Variants in CCRL2 observed in about 807,000 individuals in gnomAD.
CCRL2 encodes C-C chemokine receptor-like 2.
For missense variants in CCRL2, 451 were observed against 412.4 expected, an observed-to-expected ratio of 1.09 and a Z score of -0.81; for synonymous variants, 181 against 165.6, an observed-to-expected ratio of 1.09 and a Z score of -0.71.
chr3:46,408,970 T>C lies in CCRL2; in HGVS notation c.891T>C (p.Pro297=). ...CCACCACCCACTGCTGCATCAACCCTCTCCTGTATGCGTTTCTTGATGGGA... is the reference window on the plus strand; with the variant it reads ...CCACCACCCACTGCTGCATCAACCCCCTCCTGTATGCGTTTCTTGATGGGA... ...LIATTHCCIN[P]LLYAFLDGTF... The change falls in exon 2 of 2, where the codon CCT becomes CCC. Residue 297 remains proline (P), a synonymous_variant. Transcript: ENST00000399036. The C allele has an allele frequency of 6.2e-7, 1 of 1,614,078 alleles. No homozygotes were observed. The highest frequency in any genetic ancestry group is 2.2e-5 in the East Asian group (1 of 44,872).
In CCRL2 at chr3:46,407,851, A is replaced by T. The variant is rs1425187808; in HGVS notation, c.-12-217A>T. The T allele has an allele frequency of 5.8e-6, 4 of 690,294 alleles. No homozygotes were observed. In the East Asian group the frequency reaches 1.1e-4, roughly 19 times the overall value. The allele number at this position is 690,294 out of a possible 1,614,324, so 42.8% of individuals were successfully genotyped here. A position where few individuals can be genotyped will look rare whatever the true frequency, so the allele number is the denominator to read the frequency against. On this transcript the variant is annotated intron_variant, in intron 1 of 1. Coordinates refer to ENST00000399036, the MANE Select transcript of CCRL2 (RefSeq NM_003965.5). ...GCACCTGGCACACTGCTAAGCACTTACATGCTTAACAACTAGATTGGGAAT... is the reference window on the plus strand; with the variant it reads ...GCACCTGGCACACTGCTAAGCACTTTCATGCTTAACAACTAGATTGGGAAT...
At position 46,408,718 on chromosome 3, in the gene CCRL2, A is replaced by G. The variant is rs1252431141; in HGVS notation, c.639A>G (p.Leu213=). The G allele has an allele frequency of 6.2e-7, 1 of 1,614,080 alleles. No individual in the cohort carries two copies. Among genetic ancestry groups the G allele is most frequent in the Non-Finnish European group, 8.5e-7 (1 of 1,180,004 alleles). The part of the protein sequence containing the change: ...KMNISVLVLP[L]FIFTFLYVQM... ...ACATTTCGGTTCTTGTCCTCCCCCT[A>G]TTTATTTTTACATTTCTCTATGTGC... is the stretch of plus-strand genomic sequence containing the variant. Residue 213 remains leucine, a synonymous_variant, in exon 2 of 2, where the codon CTA becomes CTG. Transcript: ENST00000399036.
Position 46,409,276 on chromosome 3 carries a change from C to T in CCRL2, c.*162C>T. 1.4e-6 allele frequency: 1 copy of T among 696,648 alleles called. No homozygotes were observed. The highest frequency in any genetic ancestry group is 2.4e-6 in the Non-Finnish European group (1 of 409,898). The allele number at this position is 696,648 out of a possible 1,614,324, so 43.2% of individuals were successfully genotyped here. Reference sequence around the variant, plus strand: ...CACTGAATTTGTCTCAGGCACCGTGCAAGGCTCTTTACAAACGTGAGCTCC... The same window carrying T: ...CACTGAATTTGTCTCAGGCACCGTGTAAGGCTCTTTACAAACGTGAGCTCC... On this transcript the variant is annotated 3_prime_UTR_variant, in exon 2 of 2. Transcript: ENST00000399036.
chr3:46,408,886 G>A lies in CCRL2; in HGVS notation c.807G>A (p.Leu269=), dbSNP rs1387159382. 1.2e-6 allele frequency: 2 copies of A among 1,614,034 alleles called. No homozygotes were observed. The highest frequency in any genetic ancestry group is 2.7e-5 in the African/African-American group (2 of 74,904). Residue 269 remains leucine, a synonymous_variant, in exon 2 of 2, where the codon CTG becomes CTA. Coordinates refer to ENST00000399036, the MANE Select transcript of CCRL2 (RefSeq NM_003965.5). ...FLSTFKEHFS[L]SDCKSSYNLD... ...CCACTTTCAAAGAACACTTCTCCCTGAGTGACTGCAAGAGCAGCTACAATC... is the reference window on the plus strand; with the variant it reads ...CCACTTTCAAAGAACACTTCTCCCTAAGTGACTGCAAGAGCAGCTACAATC...
rs534007991 is a variant in CCRL2, at chr3:46,407,451, G to C, written c.-64G>C. 1.8e-6 allele frequency: 1 copy of C among 560,170 alleles called. No homozygotes were observed. The highest frequency in any genetic ancestry group is 3.7e-5 in the Admixed American group (1 of 26,780). The allele number at this position is 560,170 out of a possible 1,614,324, so 34.7% of individuals were successfully genotyped here. A position where few individuals can be genotyped will look rare whatever the true frequency, so the allele number is the denominator to read the frequency against. ...GTCCGGGGCCATTCCCACAGCTCCC[G>C]GATGCTGGGTCTGGAGGCTGCGCCC... On this transcript the variant is annotated 5_prime_UTR_variant, in exon 1 of 2. Coordinates refer to ENST00000399036, the MANE Select transcript of CCRL2 (RefSeq NM_003965.5).
rs770093687 is a variant in CCRL2, at chr3:46,408,049, A to G, written c.-12-19A>G. 19 of 1,511,604 alleles carry G rather than the reference A, an allele frequency of 1.3e-5. No individual in the cohort carries two copies. The highest frequency in any genetic ancestry group is 1.7e-5 in the Non-Finnish European group (19 of 1,124,776). The allele number at this position is 1,511,604 out of a possible 1,614,324, so 93.6% of individuals were successfully genotyped here. The stretch of plus-strand genomic sequence containing the variant: ...AAGGCAGCTGTCGGAGGGGAAAATC[A>G]TCTCCCATTTCTCCACAGGGCAGTC... On this transcript the variant is annotated intron_variant, in intron 1 of 1. Transcript: ENST00000399036.
At position 46,409,206 on chromosome 3, in the gene CCRL2, T is replaced by G; in HGVS notation, c.*92T>G. The G allele has an allele frequency of 8.0e-7, 1 of 1,245,068 alleles. No homozygotes were observed. The highest frequency in any genetic ancestry group is 1.1e-6 in the Non-Finnish European group (1 of 883,874). 77.1% of individuals were successfully genotyped at this position (1,245,068 alleles called of 1,614,324 possible). On this transcript the variant is annotated 3_prime_UTR_variant, in exon 2 of 2. Coordinates refer to ENST00000399036, the MANE Select transcript of CCRL2 (RefSeq NM_003965.5). ...ATTTTCTACACATTTGTATACAAAA[T>G]CGGATACAGGAAGAAAAGGGAGAGG...
chr3:46,408,241 G>C lies in CCRL2; in HGVS notation c.162G>C (p.Leu54=). ...LCSAVFVIGV[L]DNLLVVLILV... Reference sequence around the variant, plus strand: ...CTGCTGTGTTTGTGATCGGTGTCCTGGACAATCTCCTGGTTGTGCTTATCC... The same window carrying C: ...CTGCTGTGTTTGTGATCGGTGTCCTCGACAATCTCCTGGTTGTGCTTATCC... Residue 54 remains leucine, a synonymous_variant, in exon 2 of 2, where the codon CTG becomes CTC. Transcript: ENST00000399036. 1 of 1,614,180 alleles carries C rather than the reference G, an allele frequency of 6.2e-7. No individual in the cohort carries two copies. The highest frequency in any genetic ancestry group is 8.5e-7 in the Non-Finnish European group (1 of 1,180,020).
intron 1 of CCRL2, 152 bp downstream of exon 1, chr3:46,407,654 T>C (rs1318503867): frequency 6.5e-7 from 1 of 1,529,874 alleles, no homozygotes; most frequent in Admixed American, 2.1e-5. Context: ...GAGCAAACTT[T>C]TTAAAATGCA....
rs368305696 is a variant in CCRL2 at position 46,408,417 on chromosome 3, G to A, written c.338G>A (p.Gly113Asp). The A allele has an allele frequency of 1.2e-6, 2 of 1,614,172 alleles. No individual in the cohort carries two copies. The highest frequency in any genetic ancestry group is 1.7e-6 in the Non-Finnish European group (2 of 1,179,984). ...CKILIGLYFV[G>D]LYSETFFNCL... is the part of the protein sequence containing the mutation. The stretch of plus-strand genomic sequence containing the variant: ...ATTCTCATTGGACTGTACTTCGTGG[G>A]CCTGTACAGTGAGACATTTTTCAAT... Residue 113 changes from glycine to aspartate, a missense_variant, in exon 2 of 2, where the codon GGC becomes GAC. Gly to Asp is a moderately conservative substitution (Grantham distance 94). Transcript: ENST00000399036.
chr3:46,407,474 C>T lies in CCRL2; in HGVS notation c.-41C>T, dbSNP rs771252093. The T allele has an allele frequency of 1.5e-4, 87 of 588,494 alleles. No individual in the cohort carries two copies. The highest frequency in any genetic ancestry group is 2.3e-4 in the Non-Finnish European group (76 of 333,626). The allele number at this position is 588,494 out of a possible 1,614,324, so 36.5% of individuals were successfully genotyped here. ...CCGGATGCTGGGTCTGGAGGCTGCGCCCTTCCCCTGCAGGAGCTCAGCCCA... is the reference window on the plus strand; with the variant it reads ...CCGGATGCTGGGTCTGGAGGCTGCGTCCTTCCCCTGCAGGAGCTCAGCCCA... On this transcript the variant is annotated 5_prime_UTR_variant, in exon 1 of 2. Transcript: ENST00000399036.
chr3:46,408,167 A>G lies in CCRL2; in HGVS notation c.88A>G (p.Lys30Glu). Residue 30 changes from lysine to glutamate, a missense_variant, in exon 2 of 2, where the codon AAG (lysine) becomes GAG (glutamate). Lys to Glu is a moderately conservative substitution (Grantham distance 56). Coordinates refer to ENST00000399036, the MANE Select transcript of CCRL2 (RefSeq NM_003965.5). ...LESDEAEQCD[K>E]YDAQALSAQL... is the part of the protein sequence containing the mutation. Reference sequence around the variant, plus strand: ...GAGCGATGAGGCAGAGCAATGTGACAAGTATGACGCCCAGGCACTCTCAGC... The same window carrying G: ...GAGCGATGAGGCAGAGCAATGTGACGAGTATGACGCCCAGGCACTCTCAGC... 5 of 1,612,028 alleles carry G rather than the reference A, an allele frequency of 3.1e-6. No individual in the cohort carries two copies. Among genetic ancestry groups the G allele is most frequent in the Middle Eastern group, 1.7e-4 (1 of 6,060 alleles).
chr3:46,408,344 C>T lies in CCRL2; in HGVS notation c.265C>T (p.Leu89Phe), dbSNP rs1702080288. 1 of 1,614,222 alleles carries T rather than the reference C, an allele frequency of 6.2e-7. No individual in the cohort carries two copies. Among genetic ancestry groups the T allele is most frequent in the South Asian group, 1.1e-5 (1 of 91,086 alleles). The change falls in exon 2 of 2, where the codon CTT (leucine) becomes TTT (phenylalanine). Residue 89 changes from leucine to phenylalanine, a missense_variant. By Grantham distance (22) the Leu-to-Phe change is conservative. Coordinates refer to ENST00000399036, the MANE Select transcript of CCRL2 (RefSeq NM_003965.5). ...GGCAGTTTCTAACTTGTGTTTCTTG[C>T]TTACCCTGCCCTTCTGGGCTCATGC... ...NLAVSNLCFLLTLPFWAHAGG... is the reference protein window; with the variant it reads ...NLAVSNLCFLFTLPFWAHAGG...
rs1702098019 is a variant in CCRL2 at position 46,408,927 on chromosome 3, A to C, written c.848A>C (p.His283Pro). The C allele has an allele frequency of 1.2e-6, 2 of 1,614,060 alleles. No individual in the cohort carries two copies. The highest frequency in any genetic ancestry group is 3.3e-5 in the Admixed American group (2 of 60,000). Residue 283 changes from histidine (H) to proline (P), a missense_variant, in exon 2 of 2, where the codon CAC (histidine) becomes CCC (proline). Physicochemically the swap from His to Pro is moderately conservative, Grantham distance 77 (BLOSUM62 -2). Coordinates refer to ENST00000399036, the MANE Select transcript of CCRL2 (RefSeq NM_003965.5). ...AGCTACAATCTGGACAAAAGTGTTC[A>C]CATCACTAAACTCATCGCCACCACC... ...KSSYNLDKSV[H>P]ITKLIATTHC...
At chr3:46,407,592 AC>A in intron 1 of CCRL2, 90 bp downstream of exon 1, 4 of 1,147,968 alleles carry the variant, frequency 3.5e-6, no homozygotes, top group Non-Finnish European at 5.0e-6. Context: ...ATTTATTTAT[AC>A]CCTTCGAGAG....
chr3:46,408,623 G>A lies in CCRL2; in HGVS notation c.544G>A (p.Ala182Thr). Residue 182 changes from alanine to threonine, a missense_variant, in exon 2 of 2, where the codon GCA becomes ACA. By Grantham distance (58) the Ala-to-Thr change is moderately conservative. Coordinates refer to ENST00000399036, the MANE Select transcript of CCRL2 (RefSeq NM_003965.5). ...PQMEDQKYKC[A>T]FSRTPFLPAD... ...GATGGAAGACCAGAAATACAAGTGT[G>A]CATTTAGCAGAACTCCCTTCCTGCC... The A allele has an allele frequency of 6.2e-7, 1 of 1,614,174 alleles. No homozygotes were observed. Among genetic ancestry groups the A allele is most frequent in the Non-Finnish European group, 8.5e-7 (1 of 1,180,050 alleles).
At position 46,408,953 on chromosome 3, in the gene CCRL2, C is replaced by T. The variant is rs1414344615; in HGVS notation, c.874C>T (p.His292Tyr). Reference sequence around the variant, plus strand: ...CATCACTAAACTCATCGCCACCACCCACTGCTGCATCAACCCTCTCCTGTA... The same window carrying T: ...CATCACTAAACTCATCGCCACCACCTACTGCTGCATCAACCCTCTCCTGTA... ...VHITKLIATT[H>Y]CCINPLLYAF... is the part of the protein sequence containing the mutation. The change falls in exon 2 of 2, where the codon CAC (histidine) becomes TAC (tyrosine). Residue 292 changes from histidine to tyrosine, a missense_variant. By Grantham distance (83) the His-to-Tyr change is moderately conservative. Coordinates refer to ENST00000399036, the MANE Select transcript of CCRL2 (RefSeq NM_003965.5). The T allele has an allele frequency of 1.2e-6, 2 of 1,614,054 alleles. No individual in the cohort carries two copies. Among genetic ancestry groups the T allele is most frequent in the Non-Finnish European group, 1.7e-6 (2 of 1,180,050 alleles).
At position 46,408,144 on chromosome 3, in the gene CCRL2, G is replaced by A; in HGVS notation, c.65G>A (p.Ser22Asn). 1.9e-6 allele frequency: 3 copies of A among 1,608,072 alleles called. No individual in the cohort carries two copies. The highest frequency in any genetic ancestry group is 2.5e-6 in the Non-Finnish European group (3 of 1,176,964). Residue 22 changes from serine (S) to asparagine (N), a missense_variant, in exon 2 of 2, where the codon AGC (serine) becomes AAC (asparagine). Ser to Asn is a conservative substitution (Grantham distance 46). Transcript: ENST00000399036. ...YDVLIEGELE[S>N]DEAEQCDKYD... The stretch of plus-strand genomic sequence containing the variant: ...GTCCTCATAGAAGGTGAACTGGAGA[G>A]CGATGAGGCAGAGCAATGTGACAAG...
rs1459871059 is a variant in CCRL2 at position 46,408,529 on chromosome 3, TA to T, written c.451del (p.Thr151GlnfsTer7). On this transcript the variant is annotated frameshift_variant, in exon 2 of 2. Coordinates refer to ENST00000399036, the MANE Select transcript of CCRL2 (RefSeq NM_003965.5). LOFTEE classifies it low-confidence loss of function (END_TRUNC). ...ARRRVPCGIITSVLAWVTAIL... is the reference protein window; with the variant it reads ...ARRRVPCGIIXSVLAWVTAIL... ...GGAGGAGGGTGCCCTGTGGCATCAT[TA>T]CAAGTGTCCTGGCATGGGTAACAGC... The T allele has an allele frequency of 1.1e-5, 17 of 1,614,098 alleles. No individual in the cohort carries two copies. The African/African-American group carries it at 2.1e-4, about 20-fold the overall frequency.
Sources: gnomAD v4.1 joint callset for allele counts on GRCh38, gnomAD v4.1.1 for gene constraint, MANE v1.5 for transcripts, NCBI Gene and HGNC (gene_info 2026-07-23, HGNC 2026-07-21) for gene names.